RSPO2: variants seen among roughly 807,000 people sequenced by gnomAD.
RSPO2 encodes the protein R-spondin 2.
A neutral mutation model predicts 30.9 loss-of-function variants in RSPO2; 14 were observed. The observed-to-expected ratio is 0.45, with a 90% CI of 0.30 to 0.71. The LOEUF (loss-of-function observed/expected upper bound fraction) is 0.71. Ranked by LOEUF, RSPO2 falls within the 30% of genes least tolerant of loss-of-function variation. The pLI is 0.08. For missense variants in RSPO2, 264 were observed against 301.9 expected, an observed-to-expected ratio of 0.87 and a Z score of 0.93; for synonymous variants, 107 against 96.4, an observed-to-expected ratio of 1.11 and a Z score of -0.64.
intron 5 of RSPO2, among the ~76,000 whole-genome samples, chr8:107,934,033 G>A (rs1812637217): frequency 6.6e-6 from 1 of 152,122 alleles, no homozygotes; most frequent in Non-Finnish European, 1.5e-5. Context: ...AAGAAATGAA[G>A]GAGGAATCCT....
intron 2 of RSPO2, among the ~76,000 whole-genome samples, chr8:108,037,253 G>A (rs2130648667): frequency 6.6e-6 from 1 of 152,288 alleles, no homozygotes; most frequent in South Asian, 2.1e-4. Flanking sequence ...ACAGATAGGT[G>A]AAACAGCCAT....
intron 2 of RSPO2, among the ~76,000 whole-genome samples, chr8:108,024,046 T>C (rs567959625): frequency 9.2e-5 from 14 of 152,294 alleles, no homozygotes; most frequent in African/African-American, 2.9e-4. Context: ...GTTGTCCAAA[T>C]ACGGTGTGTC....
At chr8:107,973,890 T>C (rs753991171) in intron 3 of RSPO2, among the ~76,000 whole-genome samples, 2 of 152,198 alleles carry the variant, frequency 1.3e-5, no homozygotes, top group Non-Finnish European at 2.9e-5. Context: ...GTAACTTGTG[T>C]TTTCCTTTCC....
intron 2 of RSPO2, among the ~76,000 whole-genome samples, chr8:108,020,352 A>C (rs762133706): frequency 7.2e-5 from 11 of 152,134 alleles, no homozygotes; most frequent in Non-Finnish European, 1.5e-4. Context: ...ACATCCATCT[A>C]ATTCATTCTC....
At chr8:107,959,357 A>C (rs991263605) in intron 4 of RSPO2, among the ~76,000 whole-genome samples, 1 of 152,200 alleles carries the variant, frequency 6.6e-6, no homozygotes, top group Non-Finnish European at 1.5e-5. Flanking sequence ...AAGTCCACAT[A>C]GTGGAAAATA....
chr8:108,073,246 G>T (rs968958864), intron 2 of RSPO2, among the ~76,000 whole-genome samples: 1 of 152,210 alleles, frequency 6.6e-6, no homozygotes, highest in Non-Finnish European at 1.5e-5. Flanking sequence ...AGCAGAGCAG[G>T]TTTCGCCCCT....
intron 3 of RSPO2, among the ~76,000 whole-genome samples, chr8:107,973,770 T>A (rs1814102562): frequency 6.6e-6 from 1 of 152,128 alleles, no homozygotes; most frequent in African/African-American, 2.4e-5. Context: ...TTACTGCCCA[T>A]CCCTTCCTTT....
intron 3 of RSPO2, among the ~76,000 whole-genome samples, chr8:107,970,801 G>A (rs562417044): frequency 1.7e-4 from 26 of 152,198 alleles, no homozygotes; most frequent in African/African-American, 2.4e-4. Flanking sequence ...AGAATTTTAC[G>A]AAGCCATATG....
intron 2 of RSPO2, among the ~76,000 whole-genome samples, chr8:108,071,781 C>A (rs1812853913): frequency 6.6e-6 from 1 of 152,146 alleles, no homozygotes; most frequent in Non-Finnish European, 1.5e-5. Flanking sequence ...CATCAAGAAG[C>A]AAGTATCAAA....
At chr8:108,003,753 C>T (rs1368805619) in intron 2 of RSPO2, among the ~76,000 whole-genome samples, 1 of 152,070 alleles carries the variant, frequency 6.6e-6, no homozygotes, top group Non-Finnish European at 1.5e-5. Flanking sequence ...GAAAGTAATG[C>T]TTCTGATGTA....
intron 5 of RSPO2, among the ~76,000 whole-genome samples, chr8:107,916,924 G>A (rs1021315005): frequency 2.0e-5 from 3 of 152,128 alleles, no homozygotes; most frequent in African/African-American, 7.2e-5. Flanking sequence ...ATTAAAACTG[G>A]ATAGATTTGT....
At position 108,082,526 on chromosome 8, in the gene RSPO2, T is replaced by A. The variant is rs1174742354; in HGVS notation, c.94+19A>T. The A allele has an allele frequency of 1.9e-6, 3 of 1,603,744 alleles. No homozygotes were observed. Among genetic ancestry groups the A allele is most frequent in the Non-Finnish European group, 2.6e-6 (3 of 1,170,660 alleles). On this transcript the variant is annotated intron_variant, in intron 2 of 5. Coordinates refer to ENST00000276659, the MANE Select transcript of RSPO2 (RefSeq NM_178565.5). The stretch of plus-strand genomic sequence containing the variant: ...CACCCCTGAAGCCCACCACGCACCT[T>A]TGGCAGAGAGGGACCCACCTCGCTT...
chr8:108,039,740 C>A (rs1160244904), intron 2 of RSPO2, among the ~76,000 whole-genome samples: 1 of 151,958 alleles, frequency 6.6e-6, no homozygotes, highest in Non-Finnish European at 1.5e-5. Flanking sequence ...AGCTGTCAAG[C>A]ACATGTATGC....
intron 2 of RSPO2, among the ~76,000 whole-genome samples, chr8:108,038,522 C>T (rs1213809752): frequency 1.3e-5 from 2 of 152,134 alleles, no homozygotes; most frequent in Non-Finnish European, 2.9e-5. Flanking sequence ...AAAAGAAATG[C>T]TACTATGGAT....
chr8:108,020,620 C>A (rs1249704618), intron 2 of RSPO2, among the ~76,000 whole-genome samples: 1 of 152,116 alleles, frequency 6.6e-6, no homozygotes, highest in Non-Finnish European at 1.5e-5. Context: ...CATTTGAACT[C>A]TTTTTCATAC....
chr8:107,983,548 C>T (rs1325142160), intron 3 of RSPO2: 6 of 1,599,802 alleles, frequency 3.8e-6, no homozygotes, highest in Non-Finnish European at 5.1e-6. Flanking sequence ...ACTATATTTA[C>T]TTCAGCAAAA....
chr8:107,957,998 TA>T, intron 5 of RSPO2, 81 bp downstream of exon 5: 1 of 947,924 alleles, frequency 1.1e-6, no homozygotes, highest in Non-Finnish European at 1.6e-6. Context: ...GATAAATACT[TA>T]TTTTTGGAAG....
chr8:107,975,583 A>G (rs1191002795), intron 3 of RSPO2, among the ~76,000 whole-genome samples: 1 of 152,234 alleles, frequency 6.6e-6, no homozygotes, highest in Non-Finnish European at 1.5e-5. Flanking sequence ...GGCACAAAAG[A>G]GCAACTAATA....
chr8:107,996,901 G>A, intron 2 of RSPO2: 2 of 454,026 alleles, frequency 4.4e-6, no homozygotes, highest in South Asian at 3.1e-5. Context: ...AATGAATTAG[G>A]GAATACTTAC....
Sources: gnomAD v4.1 joint callset for allele counts (sites outside exome capture counted in the v4.1 genomes callset) on GRCh38, gnomAD v4.1.1 for gene constraint, MANE v1.5 for transcripts, NCBI Gene and HGNC (gene_info 2026-07-23, HGNC 2026-07-21) for gene names.